The following RYK variants were observed in gnomAD, a reference collection of about 807,000 sequenced individuals.
The protein encoded by RYK is inactive tyrosine-protein kinase RYK.
RYK carries 21 observed loss-of-function variants against 70.2 expected under a neutral mutation model. That is an observed-to-expected ratio of 0.30 (90% confidence interval 0.21 to 0.43). RYK has a LOEUF of 0.43. Ranked by LOEUF, RYK falls within the 20% of genes least tolerant of loss-of-function variation. The pLI is 1.00. For synonymous variants in RYK, 267 were observed against 278.0 expected (o/e 0.96, Z 0.39); for missense variants, 604 against 753.3 (o/e 0.80, Z 2.32).
At chr3:134,233,453 A>G (rs1185511714) in intron 1 of RYK, among the ~76,000 whole-genome samples, 1 of 152,208 alleles carries the variant, frequency 6.6e-6, no homozygotes, top group Non-Finnish European at 1.5e-5. Flanking sequence ...CTTTGACCCA[A>G]TAATTCCATT....
intron 13 of RYK, among the ~76,000 whole-genome samples, chr3:134,164,129 A>C (rs1336804974): frequency 6.6e-6 from 1 of 152,186 alleles, no homozygotes; most frequent in Non-Finnish European, 1.5e-5. Flanking sequence ...AGCCACCATG[A>C]CAGGCCTGGA....
chr3:134,193,924 C>G (rs2013729659), intron 7 of RYK, among the ~76,000 whole-genome samples: 1 of 152,138 alleles, frequency 6.6e-6, no homozygotes, highest in Non-Finnish European at 1.5e-5. Context: ...AAAGAATGCT[C>G]CATGAATGGT....
chr3:134,171,087 A>C (rs988560682), intron 13 of RYK: 14 of 152,362 alleles, frequency 9.2e-5, no homozygotes, highest in African/African-American at 3.4e-4. Context: ...AATGAATAAA[A>C]AACTCTATCT....
intron 7 of RYK, among the ~76,000 whole-genome samples, chr3:134,193,719 C>T (rs1357147788): frequency 6.6e-6 from 1 of 152,102 alleles, no homozygotes; most frequent in Non-Finnish European, 1.5e-5. Context: ...TATTATTTCC[C>T]TTAAATTTTG....
At chr3:134,177,161 G>A (rs2013134283) in intron 11 of RYK, among the ~76,000 whole-genome samples, 1 of 152,140 alleles carries the variant, frequency 6.6e-6, no homozygotes, top group Admixed American at 6.5e-5. Flanking sequence ...AGTACTTGGG[G>A]CTGAGGAATA....
chr3:134,209,672 A>G, intron 4 of RYK, 23 bp downstream of exon 4: 2 of 1,412,002 alleles, frequency 1.4e-6, no homozygotes, highest in Non-Finnish European at 1.9e-6. Flanking sequence ...TGTAAAACAT[A>G]TTTTGGTAAA....
intron 7 of RYK, among the ~76,000 whole-genome samples, chr3:134,193,577 A>G (rs1363183329): frequency 1.3e-5 from 2 of 152,246 alleles, no homozygotes; most frequent in Non-Finnish European, 2.9e-5. Flanking sequence ...CATTCTAATG[A>G]GCAAAGATTG....
intron 1 of RYK, among the ~76,000 whole-genome samples, chr3:134,227,286 T>A (rs1310011950): frequency 2.6e-5 from 4 of 152,176 alleles, no homozygotes. Flanking sequence ...CCTTAAAAAG[T>A]GGAGAGACAT....
At chr3:134,180,041 G>A (rs1475816104) in intron 10 of RYK, 1 of 152,150 alleles carries the variant, frequency 6.6e-6, no homozygotes, top group Non-Finnish European at 1.5e-5. Context: ...ATGAAAGCAG[G>A]AGATGCTATA....
chr3:134,176,997 G>C (rs1207781880), intron 11 of RYK, among the ~76,000 whole-genome samples: 1 of 152,004 alleles, frequency 6.6e-6, no homozygotes, highest in Non-Finnish European at 1.5e-5. Flanking sequence ...GCAGTGCTGA[G>C]ATCACGCCAC....
At chr3:134,249,837 A>AT (rs2015560731) in intron 1 of RYK, among the ~76,000 whole-genome samples, 1 of 150,716 alleles carries the variant, frequency 6.6e-6, no homozygotes, top group Non-Finnish European at 1.5e-5. Flanking sequence ...ATCTAAGCAT[A>AT]TGCTCCAAAT....
intron 8 of RYK, 121 bp downstream of exon 8, chr3:134,191,728 A>G (rs1427145151): frequency 6.8e-6 from 5 of 732,596 alleles, no homozygotes; most frequent in Non-Finnish European, 1.1e-5. Flanking sequence ...AAAACCATAC[A>G]CTGCTTCCTA....
At chr3:134,224,178 G>T (rs1207561616) in intron 1 of RYK, among the ~76,000 whole-genome samples, 4 of 152,148 alleles carry the variant, frequency 2.6e-5, no homozygotes, top group African/African-American at 7.2e-5. Flanking sequence ...GTGGAGACCG[G>T]TAGTGGCCCT....
intron 1 of RYK, among the ~76,000 whole-genome samples, chr3:134,230,474 T>C (rs1447159639): frequency 1.3e-5 from 2 of 152,202 alleles, no homozygotes; most frequent in Non-Finnish European, 2.9e-5. Context: ...GGCATATATA[T>C]AAATGGAATG....
At chr3:134,185,345 A>G (rs1271312953) in intron 9 of RYK, among the ~76,000 whole-genome samples, 1 of 152,132 alleles carries the variant, frequency 6.6e-6, no homozygotes, top group African/African-American at 2.4e-5. Context: ...AAGCTGAGAA[A>G]TCTCAAATTT....
At chr3:134,247,412 A>C (rs775718536) in intron 1 of RYK, among the ~76,000 whole-genome samples, 109 of 152,232 alleles carry the variant, frequency 7.2e-4, no homozygotes, top group Non-Finnish European at 1.2e-3. Context: ...TGTTTGTCAA[A>C]AGTCTTTTAA....
At chr3:134,162,903 T>C (rs972113717) in intron 13 of RYK, among the ~76,000 whole-genome samples, 1 of 152,174 alleles carries the variant, frequency 6.6e-6, no homozygotes, top group African/African-American at 2.4e-5. Flanking sequence ...ACCATGGGAA[T>C]TGGTGACAAG....
chr3:134,244,257 C>A (rs993292147), intron 1 of RYK, among the ~76,000 whole-genome samples: 1 of 152,126 alleles, frequency 6.6e-6, no homozygotes, highest in Non-Finnish European at 1.5e-5. Context: ...CAGCCATATG[C>A]CACCTTCACA....
In RYK at chr3:134,188,837, C is replaced by A; in HGVS notation, c.1102G>T (p.Asp368Tyr). 6.5e-7 allele frequency: 1 copy of A among 1,536,826 alleles called. No homozygotes were observed. The highest frequency in any genetic ancestry group is 8.9e-7 in the Non-Finnish European group (1 of 1,118,528). Residue 368 changes from aspartate (D) to tyrosine (Y), a missense_variant and splice_region_variant, in exon 9 of 15, where the codon GAT (aspartate) becomes TAT (tyrosine). Transcript: ENST00000623711. ...EKQAFVKTVK[D>Y]QASEIQVTMM... Reference sequence around the variant, plus strand: ...AAATACTATGGAAAAAAGATCCTACCTTTAACTGTTTTGACAAATGCTTGT... The same window carrying A: ...AAATACTATGGAAAAAAGATCCTACATTTAACTGTTTTGACAAATGCTTGT...
Sources: allele counts gnomAD v4.1 joint callset (sites outside exome capture counted in the v4.1 genomes callset), GRCh38; gene constraint gnomAD v4.1.1; transcripts MANE v1.5; gene names NCBI Gene and HGNC (gene_info 2026-07-23, HGNC 2026-07-21).